SLC1A1: variants seen among roughly 807,000 people sequenced by gnomAD.
SLC1A1 encodes solute carrier family 1 member 1.
SLC1A1 carries 43 observed loss-of-function variants against 53.3 expected under a neutral mutation model. That is an observed-to-expected ratio of 0.81 (90% confidence interval 0.63 to 1.04). The LOEUF (loss-of-function observed/expected upper bound fraction) is 1.04, where lower values mean the gene tolerates loss of function less well. SLC1A1 is among the 50% of genes least tolerant of loss of function. The pLI is 0.00. For synonymous variants in SLC1A1, 307 were observed against 243.2 expected (o/e 1.26, Z -2.44); for missense variants, 748 against 664.9 (o/e 1.12, Z -1.37).
chr9:4,576,842 A>G, intron 10 of SLC1A1, 79 bp downstream of exon 10: 2 of 1,255,174 alleles, frequency 1.6e-6, no homozygotes, highest in Non-Finnish European at 2.3e-6. Flanking sequence ...AAGGGACACC[A>G]AGAATGTCGC....
intron 1 of SLC1A1, among the ~76,000 whole-genome samples, chr9:4,499,047 TA>T (rs1820546131): frequency 1.4e-5 from 1 of 73,514 alleles, no homozygotes; most frequent in Non-Finnish European, 2.5e-5. Context: ...TGTATATATA[TA>T]TCTTTTTTTT....
intron 1 of SLC1A1, among the ~76,000 whole-genome samples, chr9:4,525,541 CAA>C (rs1364151437): frequency 6.6e-6 from 1 of 152,020 alleles, no homozygotes; most frequent in Non-Finnish European, 1.5e-5. Flanking sequence ...AGGTATCCCC[CAA>C]ACTGGAGATG....
intron 1 of SLC1A1, among the ~76,000 whole-genome samples, chr9:4,527,103 T>C (rs74481485): frequency 0.015 from 2,285 of 152,258 alleles, 26 homozygotes; most frequent in Non-Finnish European, 0.024. Context: ...GAGGGCCACA[T>C]GGCAAGGAAC....
intron 8 of SLC1A1, among the ~76,000 whole-genome samples, chr9:4,575,716 C>G (rs1332365604): frequency 6.6e-6 from 1 of 152,188 alleles, no homozygotes; most frequent in African/African-American, 2.4e-5. Flanking sequence ...AGGAATAGCA[C>G]ACACAGGGGT....
intron 10 of SLC1A1, among the ~76,000 whole-genome samples, chr9:4,579,372 CACTGA>C (rs1305994709): frequency 1.3e-5 from 2 of 152,242 alleles, no homozygotes; most frequent in African/African-American, 2.4e-5. Context: ...ACCCAGTCTT[CACTGA>C]ACTGATTTCC....
chr9:4,576,052 A>T lies in SLC1A1; in HGVS notation c.927A>T (p.Val309=), dbSNP rs1278027068. 6.2e-7 allele frequency: 1 copy of T among 1,613,596 alleles called. No homozygotes were observed. The highest frequency in any genetic ancestry group is 8.5e-7 in the Non-Finnish European group (1 of 1,179,554). ...VILPLIYFIV[V]RKNPFRFAMG... ...TCCCGCTGATATATTTCATAGTCGT[A>T]CGAAAGAACCCTTTCCGATTTGCCA... The change falls in exon 9 of 12, where the codon GTA becomes GTT. Residue 309 remains valine (V), a synonymous_variant. Transcript: ENST00000262352.
rs182456227 is a variant in SLC1A1, at chr9:4,556,030, C to T, written c.233-5419C>T. Among the ~76,000 whole-genome samples the T allele has an allele frequency of 4.2e-4, 63 of 151,612 alleles. No individual in the cohort carries two copies. Among genetic ancestry groups the T allele is most frequent in the Middle Eastern group, 6.8e-3 (2 of 294 alleles). On this transcript the variant is annotated intron_variant, in intron 2 of 11. Transcript: ENST00000262352. This position sits in a 1 kb window ranked among gnomAD's most constrained non-coding sequence, Gnocchi z 4.1. ...TGAGATGGAGTTTCACTCCTGTTGC[C>T]CAGGCTGAAGTGCAGTGGCATGATA...
chr9:4,572,772 C>T (rs1421260317), intron 7 of SLC1A1, among the ~76,000 whole-genome samples: 1 of 152,132 alleles, frequency 6.6e-6, no homozygotes, highest in East Asian at 1.9e-4. Flanking sequence ...TGATCTCAAA[C>T]TCCTAGGCTC....
chr9:4,557,864 G>T (rs554826869), intron 2 of SLC1A1, among the ~76,000 whole-genome samples: 23 of 152,156 alleles, frequency 1.5e-4, no homozygotes, highest in Non-Finnish European at 3.1e-4. Context: ...GAGGTAAAAT[G>T]TAGATTGAGA....
chr9:4,560,921 AG>A (rs1489101201), intron 2 of SLC1A1, among the ~76,000 whole-genome samples: 1 of 150,468 alleles, frequency 6.6e-6, no homozygotes, highest in Non-Finnish European at 1.5e-5. Context: ...GCTTGAACCC[AG>A]GAGATGGAGG....
intron 11 of SLC1A1, among the ~76,000 whole-genome samples, 193 bp from the exon 12 acceptor site, chr9:4,585,119 T>G (rs990344702): frequency 1.3e-5 from 2 of 152,222 alleles, no homozygotes; most frequent in African/African-American, 4.8e-5. Context: ...TCATTGCTAC[T>G]TTGGGGGAGC....
rs753426714 is a variant in SLC1A1 at position 4,544,715 on chromosome 9, G to A, written c.232+8G>A. On this transcript the variant is annotated splice_region_variant and intron_variant, in intron 2 of 11. Coordinates refer to ENST00000262352, the MANE Select transcript of SLC1A1 (RefSeq NM_004170.6). Reference sequence around the variant, plus strand: ...TATCCAGCATGATTACAGGTACCTTGAGAAAACAGATGTTCTCTATATTAG... The same window carrying A: ...TATCCAGCATGATTACAGGTACCTTAAGAAAACAGATGTTCTCTATATTAG... The A allele has an allele frequency of 1.5e-5, 24 of 1,608,626 alleles. No individual in the cohort carries two copies. In the South Asian group the frequency reaches 2.4e-4, roughly 16 times the overall value.
At chr9:4,535,314 T>A (rs1259497769) in intron 1 of SLC1A1, among the ~76,000 whole-genome samples, 5 of 152,134 alleles carry the variant, frequency 3.3e-5, no homozygotes, top group African/African-American at 4.8e-5. Flanking sequence ...AACCCCATTG[T>A]CTCAGCCCAA....
At chr9:4,509,299 G>A (rs375477077) in intron 1 of SLC1A1, among the ~76,000 whole-genome samples, 2 of 152,148 alleles carry the variant, frequency 1.3e-5, no homozygotes, top group African/African-American at 2.4e-5. Context: ...GACCTGGCAG[G>A]AAGCAGACTC....
chr9:4,502,415 G>A (rs201598926), intron 1 of SLC1A1, among the ~76,000 whole-genome samples: 2,154 of 62,756 alleles, frequency 0.034, no homozygotes, highest in Non-Finnish European at 0.04. Context: ...AAAAAAAAAA[G>A]ATTCCCTGAA....
At chr9:4,562,096 A>T (rs139703006) in intron 3 of SLC1A1, among the ~76,000 whole-genome samples, 1,212 of 108,152 alleles carry the variant, frequency 0.011, 8 homozygotes, top group Non-Finnish European at 0.016. Flanking sequence ...TTCAAGAGGG[A>T]GTCTCACTCT....
chr9:4,531,440 C>G (rs970430250), intron 1 of SLC1A1, among the ~76,000 whole-genome samples: 1 of 152,166 alleles, frequency 6.6e-6, no homozygotes, highest in Admixed American at 6.5e-5. Flanking sequence ...GTCCTACGCC[C>G]GCAGAGACTC....
At chr9:4,560,695 T>TA (rs200416823) in intron 2 of SLC1A1, among the ~76,000 whole-genome samples, 12,205 of 144,620 alleles carry the variant, frequency 0.084, 1,510 homozygotes, top group African/African-American at 0.28. Flanking sequence ...TCTCAAGTGT[T>TA]AAAAAAAAAA....
chr9:4,579,207 G>C (rs1205233443), intron 10 of SLC1A1, among the ~76,000 whole-genome samples: 1 of 152,220 alleles, frequency 6.6e-6, no homozygotes, highest in African/African-American at 2.4e-5. Context: ...ATTGAGCAAA[G>C]TCCTGTAATT....
Sources: gnomAD v4.1 joint callset for allele counts (sites outside exome capture counted in the v4.1 genomes callset) on GRCh38, gnomAD v4.1.1 for gene constraint, Gnocchi (gnomAD v3.1) non-coding constraint, MANE v1.5 for transcripts, NCBI Gene and HGNC (gene_info 2026-07-23, HGNC 2026-07-21) for gene names.